Variants in HOXC12 observed in about 807,000 individuals in gnomAD.
HOXC12 encodes the protein homeobox protein Hox-C12.
Under a neutral mutation model 20.9 loss-of-function variants are expected in HOXC12, and 24 were observed. That is an observed-to-expected ratio of 1.15 (90% CI 0.83 to 1.61). The LOEUF (loss-of-function observed/expected upper bound fraction) is 1.61. Among genes scored for constraint, HOXC12 ranks in the 40% most tolerant of loss-of-function variants. The pLI, the probability that HOXC12 is intolerant of heterozygous loss-of-function variation, is 0.00. For synonymous variants in HOXC12, 202 were observed against 197.7 expected (o/e 1.02, Z -0.18); for missense variants, 436 against 406.9 (o/e 1.07, Z -0.62).
Position 53,956,327 on chromosome 12 carries a change from G to A in HOXC12, c.611-1G>A, listed in dbSNP as rs775430122. On this transcript the variant is annotated splice_acceptor_variant, in intron 1 of 1. Transcript: ENST00000243103. LOFTEE classifies it high-confidence loss of function. ...AACCCCTGCCATTCATCTCCACCCAGGCGCGCCCTGGTACCCGATCAACAG... is the reference window on the plus strand; with the variant it reads ...AACCCCTGCCATTCATCTCCACCCAAGCGCGCCCTGGTACCCGATCAACAG... 5 of 1,584,338 alleles carry A rather than the reference G, an allele frequency of 3.2e-6. No individual in the cohort carries two copies. Among genetic ancestry groups the A allele is most frequent in the Non-Finnish European group, 4.3e-6 (5 of 1,164,894 alleles).
At position 53,957,709 on chromosome 12, in the gene HOXC12, G is replaced by A. The variant is rs1007144419; in HGVS notation, c.*1143G>A. 5 of 152,412 alleles carry A rather than the reference G, an allele frequency of 3.3e-5. No homozygotes were observed. Among genetic ancestry groups the A allele is most frequent in the Non-Finnish European group, 7.3e-5 (5 of 68,164 alleles). 9.4% of individuals were successfully genotyped at this position (152,412 alleles called of 1,614,324 possible). ...CCCAGTTTCCCAGGCCCGTGAGAAT[G>A]AAGGAGGGGGGCGCTCCAGCCCCCC... On this transcript the variant is annotated 3_prime_UTR_variant, in exon 2 of 2. Transcript: ENST00000243103.
chr12:53,955,016 C>G lies in HOXC12; in HGVS notation c.87C>G (p.Phe29Leu), dbSNP rs762300310. 6.2e-7 allele frequency: 1 copy of G among 1,614,222 alleles called. No homozygotes were observed. Among genetic ancestry groups the G allele is most frequent in the Non-Finnish European group, 8.5e-7 (1 of 1,180,034 alleles). Residue 29 changes from phenylalanine (F) to leucine (L), a missense_variant, in exon 1 of 2, where the codon TTC becomes TTG. Transcript: ENST00000243103. ...HTGDTFYFPNFRASGAQLPGL... is the reference protein window; with the variant it reads ...HTGDTFYFPNLRASGAQLPGL... Reference sequence around the variant, plus strand: ...GAGACACCTTCTACTTCCCCAACTTCCGCGCGTCCGGGGCGCAGCTTCCCG... The same window carrying G: ...GAGACACCTTCTACTTCCCCAACTTGCGCGCGTCCGGGGCGCAGCTTCCCG...
rs772971973 is a variant in HOXC12, at chr12:53,956,583, G to A, written c.*17G>A. ...TTCTTTTAAGGTGCAGGACACGGGC[G>A]CCAGCCCCAGACTGAGCCTGTCCCT... On this transcript the variant is annotated 3_prime_UTR_variant, in exon 2 of 2. Coordinates refer to ENST00000243103, the MANE Select transcript of HOXC12 (RefSeq NM_173860.3). The A allele has an allele frequency of 4.4e-6, 7 of 1,576,030 alleles. No individual in the cohort carries two copies. In the African/African-American group the frequency reaches 5.4e-5, roughly 12 times the overall value.
At position 53,958,160 on chromosome 12, in the gene HOXC12, T is replaced by A. The variant is rs1375036809; in HGVS notation, c.*1594T>A. The A allele has an allele frequency of 6.6e-6, 1 of 152,262 alleles. No individual in the cohort carries two copies. The highest frequency in any genetic ancestry group is 1.9e-4 in the East Asian group (1 of 5,190). The allele number at this position is 152,262 out of a possible 1,614,324, so 9.4% of individuals were successfully genotyped here. A position where few individuals can be genotyped will look rare whatever the true frequency, so the allele number is the denominator to read the frequency against. On this transcript the variant is annotated 3_prime_UTR_variant, in exon 2 of 2. Transcript: ENST00000243103. The stretch of plus-strand genomic sequence containing the variant: ...AAACTGGCCTGCTGGCTTGGAGTGT[T>A]TCCCATATGGGGAGAGTCTCCCCTA...
Position 53,958,322 on chromosome 12 carries a change from T to A in HOXC12, c.*1756T>A, listed in dbSNP as rs567963584. 6.6e-6 allele frequency: 1 copy of A among 152,280 alleles called. No homozygotes were observed. Among genetic ancestry groups the A allele is most frequent in the Non-Finnish European group, 1.5e-5 (1 of 68,084 alleles). 9.4% of individuals were successfully genotyped at this position (152,280 alleles called of 1,614,324 possible). On this transcript the variant is annotated 3_prime_UTR_variant, in exon 2 of 2. Transcript: ENST00000243103. ...ACTGGGCCCACCCCACTCTCCCTAG[T>A]GCACTCGCAAGCAGGCAGCCTCATA...
In HOXC12 at chr12:53,954,982, T is replaced by G. The variant is rs1938827374; in HGVS notation, c.53T>G (p.Ile18Ser). 1 of 1,613,988 alleles carries G rather than the reference T, an allele frequency of 6.2e-7. No homozygotes were observed. The highest frequency in any genetic ancestry group is 1.7e-5 in the Admixed American group (1 of 60,010). Residue 18 changes from isoleucine (I) to serine (S), a missense_variant, in exon 1 of 2, where the codon ATC (isoleucine) becomes AGC (serine). Transcript: ENST00000243103. ...NPGFVGPLVN[I>S]HTGDTFYFPN... The stretch of plus-strand genomic sequence containing the variant: ...GGGTTTGTGGGGCCGCTGGTAAACA[T>G]CCACACGGGAGACACCTTCTACTTC...
intron 1 of HOXC12, among the ~76,000 whole-genome samples, chr12:53,956,111 G>A (rs547302971): frequency 3.7e-4 from 56 of 152,084 alleles, no homozygotes; most frequent in Non-Finnish European, 6.8e-4. Flanking sequence ...AGCAAAGAAT[G>A]AAAGGAAAAA....
In HOXC12 at chr12:53,958,677, G is replaced by C. The variant is rs999386752; in HGVS notation, c.*2111G>C. 8 of 152,130 alleles carry C rather than the reference G, an allele frequency of 5.3e-5. No homozygotes were observed. The highest frequency in any genetic ancestry group is 1.5e-5 in the Non-Finnish European group (1 of 68,034). 9.4% of individuals were successfully genotyped at this position (152,130 alleles called of 1,614,324 possible). A position where few individuals can be genotyped will look rare whatever the true frequency, so the allele number is the denominator to read the frequency against. On this transcript the variant is annotated 3_prime_UTR_variant, in exon 2 of 2. Coordinates refer to ENST00000243103, the MANE Select transcript of HOXC12 (RefSeq NM_173860.3). Reference sequence around the variant, plus strand: ...AAGAGGGACCAGAACACTCTAAAAGGAGTGAGGGGACAAAGATATGCAATA... The same window carrying C: ...AAGAGGGACCAGAACACTCTAAAAGCAGTGAGGGGACAAAGATATGCAATA...
In HOXC12 at chr12:53,956,396, G is replaced by A. The variant is rs144078525; in HGVS notation, c.679G>A (p.Ala227Thr). ...KRKPYSKLQLAELEGEFLVNE... is the reference protein window; with the variant it reads ...KRKPYSKLQLTELEGEFLVNE... ...CAAGCCCTATTCGAAGTTGCAACTG[G>A]CAGAGCTGGAGGGCGAGTTTCTGGT... The change falls in exon 2 of 2, where the codon GCA becomes ACA. Residue 227 changes from alanine to threonine, a missense_variant. Physicochemically the swap from Ala to Thr is moderately conservative, Grantham distance 58 (BLOSUM62 0). Coordinates refer to ENST00000243103, the MANE Select transcript of HOXC12 (RefSeq NM_173860.3). The A allele has an allele frequency of 1.5e-3, 2,449 of 1,613,000 alleles. 4 individuals are homozygous for A. The highest frequency in any genetic ancestry group is 2.0e-3 in the Admixed American group (122 of 59,702).
Position 53,956,810 on chromosome 12 carries a change from T to G in HOXC12, c.*244T>G. On this transcript the variant is annotated 3_prime_UTR_variant, in exon 2 of 2. Transcript: ENST00000243103. ...GCAGAAGCCGGCAGCTGCCTGCGGT[T>G]GGCAGGGGCAGGAAGGCTGAGGTGC... 2.5e-6 allele frequency: 1 copy of G among 405,650 alleles called. No individual in the cohort carries two copies. Among genetic ancestry groups the G allele is most frequent in the Non-Finnish European group, 4.3e-6 (1 of 230,000 alleles). 25.1% of individuals were successfully genotyped at this position (405,650 alleles called of 1,614,324 possible). A position where few individuals can be genotyped will look rare whatever the true frequency, so the allele number is the denominator to read the frequency against.
Position 53,955,018 on chromosome 12 carries a change from G to A in HOXC12, c.89G>A (p.Arg30His). The change falls in exon 1 of 2, where the codon CGC becomes CAC. Residue 30 changes from arginine (R) to histidine (H), a missense_variant. By Grantham distance (29) the Arg-to-His change is conservative. Coordinates refer to ENST00000243103, the MANE Select transcript of HOXC12 (RefSeq NM_173860.3). ...TGDTFYFPNF[R>H]ASGAQLPGLP... ...GACACCTTCTACTTCCCCAACTTCC[G>A]CGCGTCCGGGGCGCAGCTTCCCGGG... The A allele has an allele frequency of 1.9e-6, 3 of 1,614,160 alleles. No individual in the cohort carries two copies. The highest frequency in any genetic ancestry group is 2.5e-6 in the Non-Finnish European group (3 of 1,180,028).
In HOXC12 at chr12:53,955,370, T is replaced by TGGCGAC. The variant is rs1938843779; in HGVS notation, c.446_451dup (p.Asp149_Gly150dup). ...ACGACTACGCGGCGGGCGGCGGCGG[T>TGGCGAC]GGCGACGGCGGCGGCGGCGCAGGAC... is the stretch of plus-strand genomic sequence containing the variant. On this transcript the variant is annotated inframe_insertion, in exon 1 of 2. Coordinates refer to ENST00000243103, the MANE Select transcript of HOXC12 (RefSeq NM_173860.3). The TGGCGAC allele has an allele frequency of 6.5e-6, 9 of 1,380,490 alleles. No homozygotes were observed. The highest frequency in any genetic ancestry group is 8.5e-6 in the Non-Finnish European group (9 of 1,063,680). The allele number at this position is 1,380,490 out of a possible 1,614,324, so 85.5% of individuals were successfully genotyped here.
chr12:53,954,982 T>A lies in HOXC12; in HGVS notation c.53T>A (p.Ile18Asn). The change falls in exon 1 of 2, where the codon ATC (isoleucine) becomes AAC (asparagine). Residue 18 changes from isoleucine (I) to asparagine (N), a missense_variant. Transcript: ENST00000243103. ...NPGFVGPLVNIHTGDTFYFPN... is the reference protein window; with the variant it reads ...NPGFVGPLVNNHTGDTFYFPN... ...GGGTTTGTGGGGCCGCTGGTAAACA[T>A]CCACACGGGAGACACCTTCTACTTC... is the stretch of plus-strand genomic sequence containing the variant. 2 of 1,614,106 alleles carry A rather than the reference T, an allele frequency of 1.2e-6. No individual in the cohort carries two copies. The highest frequency in any genetic ancestry group is 8.5e-7 in the Non-Finnish European group (1 of 1,179,934).
Position 53,954,912 on chromosome 12 carries a change from C to G in HOXC12, c.-18C>G. The G allele has an allele frequency of 6.9e-6, 11 of 1,599,092 alleles. No individual in the cohort carries two copies. Among genetic ancestry groups the G allele is most frequent in the Non-Finnish European group, 9.4e-6 (11 of 1,168,592 alleles). Reference sequence around the variant, plus strand: ...CAGATAGCAATAAAGTAGAAGCTGCCGGTCGGGCCCCGCGGAAATGGGCGA... The same window carrying G: ...CAGATAGCAATAAAGTAGAAGCTGCGGGTCGGGCCCCGCGGAAATGGGCGA... On this transcript the variant is annotated 5_prime_UTR_variant, in exon 1 of 2. Transcript: ENST00000243103.
chr12:53,955,171 G>T lies in HOXC12; in HGVS notation c.242G>T (p.Arg81Leu). Residue 81 changes from arginine (R) to leucine (L), a missense_variant, in exon 1 of 2, where the codon CGC becomes CTC. Transcript: ENST00000243103. ...SPVSLNPPFG[R>L]TCELARVEDG... ...GTGTCTCTCAACCCTCCCTTCGGCC[G>T]CACGTGCGAGCTGGCGCGCGTGGAG... 1 of 1,610,600 alleles carries T rather than the reference G, an allele frequency of 6.2e-7. No individual in the cohort carries two copies. Among genetic ancestry groups the T allele is most frequent in the Non-Finnish European group, 8.5e-7 (1 of 1,178,990 alleles).
rs923498769 is a variant in HOXC12, at chr12:53,958,274, C to T, written c.*1708C>T. 1.3e-5 allele frequency: 2 copies of T among 152,496 alleles called. No homozygotes were observed. The highest frequency in any genetic ancestry group is 2.4e-5 in the African/African-American group (1 of 41,446). The allele number at this position is 152,496 out of a possible 1,614,324, so 9.4% of individuals were successfully genotyped here. ...AGGCAGAGGCAAAGGCAAACACATA[C>T]ACACAGCTGAGCCCAGCACAGCACT... On this transcript the variant is annotated 3_prime_UTR_variant, in exon 2 of 2. Transcript: ENST00000243103.
chr12:53,958,648 A>G lies in HOXC12; in HGVS notation c.*2082A>G. 2 of 152,196 alleles carry G rather than the reference A, an allele frequency of 1.3e-5. 1 individual carries two copies. Among genetic ancestry groups the G allele is most frequent in the Non-Finnish European group, 2.9e-5 (2 of 68,046 alleles). The allele number at this position is 152,196 out of a possible 1,614,324, so 9.4% of individuals were successfully genotyped here. A position where few individuals can be genotyped will look rare whatever the true frequency, so the allele number is the denominator to read the frequency against. On this transcript the variant is annotated 3_prime_UTR_variant, in exon 2 of 2. Coordinates refer to ENST00000243103, the MANE Select transcript of HOXC12 (RefSeq NM_173860.3). Reference sequence around the variant, plus strand: ...AGACTAACCTGATTCCCAATCTAATAATGAAGAGGGACCAGAACACTCTAA... The same window carrying G: ...AGACTAACCTGATTCCCAATCTAATGATGAAGAGGGACCAGAACACTCTAA...
chr12:53,955,327 C>T lies in HOXC12; in HGVS notation c.398C>T (p.Pro133Leu). The T allele has an allele frequency of 7.2e-7, 1 of 1,388,856 alleles. No homozygotes were observed. Among genetic ancestry groups the T allele is most frequent in the Non-Finnish European group, 9.3e-7 (1 of 1,080,372 alleles). 86.0% of individuals were successfully genotyped at this position (1,388,856 alleles called of 1,614,324 possible). The change falls in exon 1 of 2, where the codon CCT becomes CTT. Residue 133 changes from proline (P) to leucine (L), a missense_variant. By Grantham distance (98) the Pro-to-Leu change is moderately conservative (BLOSUM62 -3). Transcript: ENST00000243103. ...ALLPLEPSGP[P>L]ALGFKYDYAA... ...CTCCCGCTGGAGCCGTCGGGGCCGCCTGCGCTCGGCTTCAAGTACGACTAC... is the reference window on the plus strand; with the variant it reads ...CTCCCGCTGGAGCCGTCGGGGCCGCTTGCGCTCGGCTTCAAGTACGACTAC...
chr12:53,956,058 G>A (rs1445483741), intron 1 of HOXC12, among the ~76,000 whole-genome samples: 1 of 152,140 alleles, frequency 6.6e-6, no homozygotes, highest in Non-Finnish European at 1.5e-5. Flanking sequence ...GGACTTAGAA[G>A]GGTCATGAAT....
Sources: allele counts gnomAD v4.1 joint callset (sites outside exome capture counted in the v4.1 genomes callset), GRCh38; gene constraint gnomAD v4.1.1; transcripts MANE v1.5; gene names NCBI Gene and HGNC (gene_info 2026-07-23, HGNC 2026-07-21).